Variants in GAP43 observed in about 807,000 individuals in gnomAD.
GAP43 encodes the protein neuromodulin.
Under a neutral mutation model 18.6 loss-of-function variants are expected in GAP43, and 6 were observed. The ratio of observed to expected loss-of-function variants is 0.32; its 90% confidence interval spans 0.18 to 0.64. The LOEUF (loss-of-function observed/expected upper bound fraction) is 0.64. GAP43 is among the 30% of genes least tolerant of loss of function. The pLI, the probability that GAP43 is intolerant of heterozygous loss-of-function variation, is 0.78. For synonymous variants in GAP43, 115 were observed against 111.4 expected, an observed-to-expected ratio of 1.03 and a Z score of -0.20; for missense variants, 292 against 295.5, an observed-to-expected ratio of 0.99 and a Z score of 0.09.
At chr3:115,692,118 A>G (rs1451777651) in intron 2 of GAP43, among the ~76,000 whole-genome samples, 2 of 152,194 alleles carry the variant, frequency 1.3e-5, no homozygotes, top group African/African-American at 4.8e-5. Context: ...CTTGTCTTTC[A>G]TCAGATACTC....
At chr3:115,718,572 C>T (rs1456733497) in intron 2 of GAP43, among the ~76,000 whole-genome samples, 6 of 152,100 alleles carry the variant, frequency 3.9e-5, no homozygotes, top group African/African-American at 1.4e-4. Flanking sequence ...CTTTGGAAAG[C>T]TATAGCCTTA....
intron 2 of GAP43, among the ~76,000 whole-genome samples, chr3:115,678,315 A>ATATT (rs1295209744): frequency 6.6e-6 from 1 of 152,206 alleles, no homozygotes; most frequent in Non-Finnish European, 1.5e-5. Flanking sequence ...GGCACAGACC[A>ATATT]TATTTTTTAA....
At chr3:115,694,882 G>A (rs1709165011) in intron 2 of GAP43, among the ~76,000 whole-genome samples, 1 of 152,138 alleles carries the variant, frequency 6.6e-6, no homozygotes, top group South Asian at 2.1e-4. Context: ...GGAAAGATCT[G>A]GGATATAATA....
chr3:115,671,397 A>G (rs1708813349), intron 1 of GAP43, among the ~76,000 whole-genome samples: 1 of 152,324 alleles, frequency 6.6e-6, no homozygotes, highest in Non-Finnish European at 1.5e-5. Context: ...TCAACAAGTT[A>G]GTGTAATGGT....
chr3:115,650,933 C>T (rs1708512987), intron 1 of GAP43, among the ~76,000 whole-genome samples: 1 of 151,772 alleles, frequency 6.6e-6, no homozygotes, highest in South Asian at 2.1e-4. Context: ...AGTTCCATAC[C>T]AGCCTCAATA....
In GAP43 at chr3:115,641,441, C is replaced by CTA. The variant is rs372157588; in HGVS notation, c.30+17735_30+17736dup. 9.5e-4 allele frequency among the ~76,000 whole-genome samples: 140 copies of CTA among 146,938 alleles called. No homozygotes were observed. The South Asian group carries it at 0.014, about 15-fold the overall frequency. ...GTGTGCATATATATACACACAGACA[C>CTA]TATATATATATATAGAGAGAGAAAG... On this transcript the variant is annotated intron_variant, in intron 1 of 2. Transcript: ENST00000305124.
At chr3:115,699,335 C>A (rs1709267759) in intron 2 of GAP43, among the ~76,000 whole-genome samples, 1 of 152,166 alleles carries the variant, frequency 6.6e-6, no homozygotes, top group South Asian at 2.1e-4. Flanking sequence ...TGCTCTAACA[C>A]CCTCTGTGCC....
chr3:115,720,943 C>A lies in GAP43; in HGVS notation c.*61C>A, dbSNP rs1709570446. 8.6e-7 allele frequency: 1 copy of A among 1,158,864 alleles called. No individual in the cohort carries two copies. The highest frequency in any genetic ancestry group is 1.8e-5 in the Admixed American group (1 of 54,988). 71.8% of individuals were successfully genotyped at this position (1,158,864 alleles called of 1,614,324 possible). On this transcript the variant is annotated 3_prime_UTR_variant, in exon 3 of 3. Coordinates refer to ENST00000305124, the MANE Select transcript of GAP43 (RefSeq NM_002045.4). ...CCTCTCCTGAGCCTGTCTCTCCCTA[C>A]CCTCTTCTCAGCTCCACTCTGAAGT...
At chr3:115,642,142 C>T (rs1277536290) in intron 1 of GAP43, among the ~76,000 whole-genome samples, 1 of 151,988 alleles carries the variant, frequency 6.6e-6, no homozygotes, top group Admixed American at 6.6e-5. Context: ...TGTATATATG[C>T]CTAAATTTTC....
intron 1 of GAP43, among the ~76,000 whole-genome samples, chr3:115,627,828 C>T (rs1708209687): frequency 1.3e-5 from 2 of 152,094 alleles, no homozygotes; most frequent in Admixed American, 6.6e-5. Flanking sequence ...GGTCAGGTGG[C>T]TTTTGTACCT....
At chr3:115,646,592 C>G (rs1021438250) in intron 1 of GAP43, among the ~76,000 whole-genome samples, 1 of 151,984 alleles carries the variant, frequency 6.6e-6, no homozygotes, top group African/African-American at 2.4e-5. Flanking sequence ...TCAAATCATA[C>G]TGAAGAAATA....
chr3:115,676,732 A>C, intron 2 of GAP43, 122 bp downstream of exon 2: 1 of 1,084,358 alleles, frequency 9.2e-7, no homozygotes, highest in South Asian at 1.8e-5. Context: ...TCCAGAAATC[A>C]AGGGAAGCTG....
intron 2 of GAP43, among the ~76,000 whole-genome samples, chr3:115,681,734 G>A (rs1031720374): frequency 1.3e-5 from 2 of 152,210 alleles, no homozygotes; most frequent in African/African-American, 4.8e-5. Context: ...GCCAGGTCCT[G>A]TGCTGAGTGC....
chr3:115,702,096 A>T (rs1273131957), intron 2 of GAP43, among the ~76,000 whole-genome samples: 3 of 152,070 alleles, frequency 2.0e-5, no homozygotes, highest in Non-Finnish European at 4.4e-5. Context: ...TCAGATAAAG[A>T]CATAGGATTG....
intron 2 of GAP43, among the ~76,000 whole-genome samples, chr3:115,680,214 C>G (rs977504891): frequency 2.6e-5 from 4 of 152,128 alleles, no homozygotes; most frequent in Non-Finnish European, 5.9e-5. Flanking sequence ...AATCCCAGCA[C>G]TTTGGGAGAC....
Position 115,720,954 on chromosome 3 carries a change from G to A in GAP43, c.*72G>A. On this transcript the variant is annotated 3_prime_UTR_variant, in exon 3 of 3. Coordinates refer to ENST00000305124, the MANE Select transcript of GAP43 (RefSeq NM_002045.4). ...CCTGTCTCTCCCTACCCTCTTCTCA[G>A]CTCCACTCTGAAGTCCCTTCCTGTC... The A allele has an allele frequency of 9.8e-7, 1 of 1,020,478 alleles. No homozygotes were observed. Among genetic ancestry groups the A allele is most frequent in the Non-Finnish European group, 1.5e-6 (1 of 666,658 alleles). 63.2% of individuals were successfully genotyped at this position (1,020,478 alleles called of 1,614,324 possible). A position where few individuals can be genotyped will look rare whatever the true frequency, so the allele number is the denominator to read the frequency against.
At position 115,676,009 on chromosome 3, in the gene GAP43, A is replaced by C. The variant is rs1448825544; in HGVS notation, c.31-4A>C. 6.3e-7 allele frequency: 1 copy of C among 1,592,860 alleles called. No individual in the cohort carries two copies. The highest frequency in any genetic ancestry group is 1.8e-5 in the Admixed American group (1 of 55,966). ...CTCTCTTTTCCCTTCTTTTCTCGAC[A>C]AAGGTTGAAAAAAATGATGACGACC... is the stretch of plus-strand genomic sequence containing the variant. On this transcript the variant is annotated splice_region_variant and splice_polypyrimidine_tract_variant and intron_variant, in intron 1 of 2. Coordinates refer to ENST00000305124, the MANE Select transcript of GAP43 (RefSeq NM_002045.4).
intron 2 of GAP43, among the ~76,000 whole-genome samples, chr3:115,694,930 A>G (rs1231694134): frequency 6.6e-6 from 1 of 152,230 alleles, no homozygotes; most frequent in Non-Finnish European, 1.5e-5. Context: ...AATCATTGTC[A>G]TAAAATGCTT....
rs190471680 is a variant in GAP43 at position 115,636,358 on chromosome 3, T to C, written c.30+12639T>C. 1.3e-3 allele frequency among the ~76,000 whole-genome samples: 200 copies of C among 152,246 alleles called. 1 individual carries two copies. The highest frequency in any genetic ancestry group is 6.8e-3 in the Middle Eastern group (2 of 294). On this transcript the variant is annotated intron_variant, in intron 1 of 2. Transcript: ENST00000305124. ...CATACTATCAGTTACCAAATTCTTT[T>C]TGTAATGTATTTCACATATGCTCTT...
Sources: gnomAD v4.1 joint callset for allele counts (sites outside exome capture counted in the v4.1 genomes callset) on GRCh38, gnomAD v4.1.1 for gene constraint, MANE v1.5 for transcripts, NCBI Gene and HGNC (gene_info 2026-07-23, HGNC 2026-07-21) for gene names.